Variants in CAPN7 observed in about 807,000 individuals in gnomAD.
CAPN7 encodes the protein calpain-7.
Under a neutral mutation model 115.2 loss-of-function variants are expected in CAPN7, and 72 were observed. That is an observed-to-expected ratio of 0.63 (90% CI 0.52 to 0.76). CAPN7 has a LOEUF of 0.76. CAPN7 is among the 30% of genes least tolerant of loss of function. The probability of loss-of-function intolerance (pLI) is 0.00; values close to 1 mark genes in which losing one functional copy is unlikely to be tolerated. For missense variants in CAPN7, 905 were observed against 971.5 expected (o/e 0.93, Z 0.91); for synonymous variants, 344 against 322.3 (o/e 1.07, Z -0.72).
chr3:15,243,906 G>A (rs1278010761), intron 16 of CAPN7, among the ~76,000 whole-genome samples: 1 of 152,142 alleles, frequency 6.6e-6, no homozygotes, highest in Non-Finnish European at 1.5e-5. Flanking sequence ...ATTTACTTTT[G>A]TAACAAACAT....
At position 15,240,777 on chromosome 3, in the gene CAPN7, G is replaced by A; in HGVS notation, c.1576G>A (p.Asp526Asn). The change falls in exon 14 of 21, where the codon GAT becomes AAT. Residue 526 changes from aspartate to asparagine, a missense_variant. Asp to Asn is a conservative substitution (Grantham distance 23). Transcript: ENST00000253693. ...AGGAATATTTTGGATTTCCTGGGAT[G>A]ATCTCTGCCAGTATTATGATGTGAT... The part of the protein sequence containing the change: ...DNGIFWISWD[D>N]LCQYYDVIYL... 1 of 1,610,284 alleles carries A rather than the reference G, an allele frequency of 6.2e-7. No individual in the cohort carries two copies. Among genetic ancestry groups the A allele is most frequent in the Non-Finnish European group, 8.5e-7 (1 of 1,177,922 alleles).
intron 12 of CAPN7, among the ~76,000 whole-genome samples, chr3:15,237,638 G>GT (rs1386353518): frequency 6.6e-6 from 1 of 152,056 alleles, no homozygotes; most frequent in Non-Finnish European, 1.5e-5. Context: ...TAAGTTTGGG[G>GT]TTTTTTAAAA....
chr3:15,246,988 A>G (rs935003358), intron 18 of CAPN7, among the ~76,000 whole-genome samples, 194 bp downstream of exon 18: 1 of 147,894 alleles, frequency 6.8e-6, no homozygotes, highest in African/African-American at 2.4e-5. Flanking sequence ...ATTCAGAGAA[A>G]GAAGATGAAT....
At chr3:15,242,920 T>C (rs1393091938) in intron 16 of CAPN7, among the ~76,000 whole-genome samples, 1 of 152,200 alleles carries the variant, frequency 6.6e-6, no homozygotes, top group African/African-American at 2.4e-5. Flanking sequence ...TGGAGAATAG[T>C]GATGAACAAA....
chr3:15,235,905 G>A (rs891168975), intron 12 of CAPN7, among the ~76,000 whole-genome samples: 23 of 152,166 alleles, frequency 1.5e-4, no homozygotes, highest in Middle Eastern at 3.4e-3. Context: ...TTATAATCCC[G>A]ATACTTTGGG....
At chr3:15,218,573 A>G (rs1464094790) in intron 4 of CAPN7, 33 bp downstream of exon 4, 1 of 1,474,070 alleles carries the variant, frequency 6.8e-7, no homozygotes, top group Non-Finnish European at 9.5e-7. Flanking sequence ...TAATCCATGG[A>G]TGGCACTTAG....
intron 2 of CAPN7, among the ~76,000 whole-genome samples, chr3:15,213,453 A>G (rs2045064773): frequency 6.6e-6 from 1 of 152,246 alleles, no homozygotes; most frequent in East Asian, 1.9e-4. Flanking sequence ...CTATCATGGA[A>G]ACCCCTTTCT....
rs1403708807 is a variant in CAPN7 at position 15,247,403 on chromosome 3, A to G, written c.2150A>G (p.Tyr717Cys). The change falls in exon 19 of 21, where the codon TAC becomes TGC. Residue 717 changes from tyrosine to cysteine, a missense_variant. Physicochemically the swap from Tyr to Cys is radical, Grantham distance 194. Around this residue, in one of 3 missense-constraint regions of CAPN7, gnomAD observed 620 missense variants for 703.4 expected, o/e 0.88. Coordinates refer to ENST00000253693, the MANE Select transcript of CAPN7 (RefSeq NM_014296.3). ...GAGACTCACAAAAATAACCCCATCT[A>G]CCAATTCCATATAGAAAAGACTGGG... is the stretch of plus-strand genomic sequence containing the variant. The part of the protein sequence containing the change: ...FQETHKNNPI[Y>C]QFHIEKTGPL... 1 of 1,612,354 alleles carries G rather than the reference A, an allele frequency of 6.2e-7. No individual in the cohort carries two copies. Among genetic ancestry groups the G allele is most frequent in the Admixed American group, 1.7e-5 (1 of 59,862 alleles).
intron 17 of CAPN7, 63 bp from the exon 18 acceptor site, chr3:15,246,669 A>T (rs1299954379): frequency 1.8e-6 from 2 of 1,140,928 alleles, no homozygotes; most frequent in African/African-American, 3.1e-5. Flanking sequence ...CAATATATTC[A>T]TGTATCACTT....
At chr3:15,242,302 T>C (rs1268492860) in intron 16 of CAPN7, 49 bp downstream of exon 16, 1 of 1,145,042 alleles carries the variant, frequency 8.7e-7, no homozygotes, top group East Asian at 2.5e-5. Flanking sequence ...CATAAGATTT[T>C]ATTTATATGA....
intron 15 of CAPN7, 137 bp downstream of exon 15, chr3:15,241,725 A>G (rs965217080): frequency 1.5e-6 from 1 of 671,296 alleles, no homozygotes; most frequent in African/African-American, 1.8e-5. Context: ...AGATAAATGA[A>G]TATTTTCCTC....
Position 15,241,605 on chromosome 3 carries a change from AATG to A in CAPN7, c.1788+20_1788+22del, listed in dbSNP as rs749738415. 1 of 1,605,382 alleles carries A rather than the reference AATG, an allele frequency of 6.2e-7. No homozygotes were observed. Among genetic ancestry groups the A allele is most frequent in the African/African-American group, 1.3e-5 (1 of 74,682 alleles). On this transcript the variant is annotated intron_variant, in intron 15 of 20. Coordinates refer to ENST00000253693, the MANE Select transcript of CAPN7 (RefSeq NM_014296.3). The stretch of plus-strand genomic sequence containing the variant: ...ACAGACAAGGTACTGATACCCTTCT[AATG>A]ATATCCCATACAGAAATTTTTTTAA...
intron 14 of CAPN7, among the ~76,000 whole-genome samples, chr3:15,241,223 C>T (rs1317988143): frequency 2.6e-5 from 4 of 152,028 alleles, no homozygotes; most frequent in African/African-American, 2.4e-5. Context: ...AAATAAATAA[C>T]GGAATGGTTA....
rs556698242 is a variant in CAPN7, at chr3:15,240,633, T to G, written c.1552+16T>G. The G allele has an allele frequency of 1.1e-4, 176 of 1,578,190 alleles. 4 individuals are homozygous for G. In the South Asian group the frequency reaches 2.0e-3, roughly 18 times the overall value. ...ATAGACAACGGTAAATATATCTTTT[T>G]AATTTTAATACCATTTATTCTTCAA... On this transcript the variant is annotated intron_variant, in intron 13 of 20. Coordinates refer to ENST00000253693, the MANE Select transcript of CAPN7 (RefSeq NM_014296.3).
At chr3:15,245,415 G>T (rs971762514) in intron 16 of CAPN7, 111 bp from the exon 17 acceptor site, 3 of 918,386 alleles carry the variant, frequency 3.3e-6, no homozygotes, top group South Asian at 1.9e-5. Flanking sequence ...ATATTTTAAG[G>T]AGAGAATCAG....
At chr3:15,230,564 C>T (rs1694624142) in intron 9 of CAPN7, 29 bp downstream of exon 9, 1 of 1,280,308 alleles carries the variant, frequency 7.8e-7, no homozygotes, top group Non-Finnish European at 1.1e-6. Flanking sequence ...CACTCCCATC[C>T]CTTGTCTCTC....
intron 2 of CAPN7, among the ~76,000 whole-genome samples, chr3:15,213,983 C>T: frequency 6.6e-6 from 1 of 151,810 alleles, no homozygotes; most frequent in Non-Finnish European, 1.5e-5. Flanking sequence ...GGGGTTCACG[C>T]CATTCTCCTG....
chr3:15,242,530 A>G (rs1028406533), intron 16 of CAPN7, among the ~76,000 whole-genome samples: 3 of 152,200 alleles, frequency 2.0e-5, no homozygotes. Flanking sequence ...TACTCTAATC[A>G]AATGTATTCT....
In CAPN7 at chr3:15,220,748, A is replaced by G. The variant is rs1242137935; in HGVS notation, c.438-33A>G. 10 of 1,599,104 alleles carry G rather than the reference A, an allele frequency of 6.3e-6. No homozygotes were observed. The East Asian group carries it at 2.2e-4, about 36-fold the overall frequency. On this transcript the variant is annotated intron_variant, in intron 4 of 20. Transcript: ENST00000253693. Reference sequence around the variant, plus strand: ...GAAAAGCTTAAATGTGAGTAGAAAAACTAGAACAGTTGTTTGTTCCTCTCT... The same window carrying G: ...GAAAAGCTTAAATGTGAGTAGAAAAGCTAGAACAGTTGTTTGTTCCTCTCT...
Sources: gnomAD v4.1 joint callset for allele counts (sites outside exome capture counted in the v4.1 genomes callset) on GRCh38, gnomAD v4.1.1 for gene constraint, gnomAD v4.1.1 regional missense constraint, MANE v1.5 for transcripts, NCBI Gene and HGNC (gene_info 2026-07-23, HGNC 2026-07-21) for gene names.